The following TEK variants were observed in gnomAD, a reference collection of about 807,000 sequenced individuals.
TEK encodes the protein TEK receptor tyrosine kinase, also known as angiopoietin-1 receptor.
TEK carries 43 observed loss-of-function variants against 131.8 expected under a neutral mutation model. The observed-to-expected ratio is 0.33, with a 90% confidence interval of 0.26 to 0.42. The LOEUF (loss-of-function observed/expected upper bound fraction) is 0.42. Ranked by LOEUF, TEK falls within the 10% of genes least tolerant of loss-of-function variation. The probability of loss-of-function intolerance (pLI) is 1.00; values close to 1 mark genes in which losing one functional copy is unlikely to be tolerated. For missense variants in TEK, 1,162 were observed against 1,384.4 expected (o/e 0.84, Z 2.55); for synonymous variants, 580 against 491.6 (o/e 1.18, Z -2.38).
chr9:27,109,327 T>C lies in TEK; in HGVS notation c.-264T>C, dbSNP rs1821240035. ...GATAGGGCTTGAGTGCCCCCAGCCC[T>C]GCTGATACCAAATGCCTTTAAGATA... is the stretch of plus-strand genomic sequence containing the variant. On this transcript the variant is annotated 5_prime_UTR_variant, in exon 1 of 23. Coordinates refer to ENST00000380036, the MANE Select transcript of TEK (RefSeq NM_000459.5). 1 of 593,534 alleles carries C rather than the reference T, an allele frequency of 1.7e-6. No individual in the cohort carries two copies. The highest frequency in any genetic ancestry group is 2.2e-5 in the South Asian group (1 of 45,944). The allele number at this position is 593,534 out of a possible 1,614,324, so 36.8% of individuals were successfully genotyped here.
Position 27,220,059 on chromosome 9 carries a change from C to T in TEK, c.3114C>T (p.Pro1038=). The part of the protein sequence containing the change: ...LWEIVSLGGT[P]YCGMTCAELY... Reference sequence around the variant, plus strand: ...CTGTTTGTCTTCCAGGAGGCACACCCTACTGCGGGATGACTTGTGCAGAAC... The same window carrying T: ...CTGTTTGTCTTCCAGGAGGCACACCTTACTGCGGGATGACTTGTGCAGAAC... Residue 1038 remains proline (P), a synonymous_variant, in exon 21 of 23, where the codon CCC becomes CCT. Transcript: ENST00000380036. The T allele has an allele frequency of 1.2e-6, 2 of 1,614,056 alleles. No homozygotes were observed. Among genetic ancestry groups the T allele is most frequent in the East Asian group, 4.5e-5 (2 of 44,886 alleles).
intron 1 of TEK, among the ~76,000 whole-genome samples, chr9:27,119,091 T>C (rs1398155414): frequency 6.6e-6 from 1 of 152,202 alleles, no homozygotes; most frequent in Non-Finnish European, 1.5e-5. Context: ...TTAAGCTATT[T>C]TGAGTTAGCT....
chr9:27,206,827 G>T lies in TEK; in HGVS notation c.2575+35G>T, dbSNP rs2273722. 0.13 allele frequency: 208,222 copies of T among 1,602,464 alleles called. 14,527 individuals are homozygous for T. The highest frequency in any genetic ancestry group is 0.14 in the Non-Finnish European group (163,732 of 1,174,184). On this transcript the variant is annotated intron_variant, in intron 15 of 22. Transcript: ENST00000380036. ...TGACCAGATAGAGTCAGCATTGCGT[G>T]AGGGTGTGGAGAAAACTTGATTTCC...
At chr9:27,158,822 G>A (rs190592223) in intron 2 of TEK, among the ~76,000 whole-genome samples, 4 of 152,112 alleles carry the variant, frequency 2.6e-5, no homozygotes, top group African/African-American at 9.6e-5. Context: ...ACCACACCCA[G>A]CTAATTTTTT....
intron 6 of TEK, among the ~76,000 whole-genome samples, chr9:27,178,993 A>T (rs146231468): frequency 6.6e-6 from 1 of 152,186 alleles, no homozygotes. Context: ...GAATGTGTAA[A>T]TTTCAACAAA....
At chr9:27,227,539 G>T (rs541180697) in intron 21 of TEK, among the ~76,000 whole-genome samples, 21 of 152,298 alleles carry the variant, frequency 1.4e-4, no homozygotes, top group Admixed American at 1.2e-3. Flanking sequence ...AGCGCTAGCA[G>T]ATTTGGTGGC....
At position 27,183,722 on chromosome 9, in the gene TEK, G is replaced by A. The variant is rs1175376552; in HGVS notation, c.1182+112G>A. The stretch of plus-strand genomic sequence containing the variant: ...TGCTTTTATCCTCCTAGGCTAGTGT[G>A]TTGTTGGCTTTGATAAAATGCCCTA... On this transcript the variant is annotated intron_variant, in intron 8 of 22. Transcript: ENST00000380036. 16 of 1,432,266 alleles carry A rather than the reference G, an allele frequency of 1.1e-5. No individual in the cohort carries two copies. The Admixed American group carries it at 2.7e-4, about 24-fold the overall frequency. The allele number at this position is 1,432,266 out of a possible 1,614,324, so 88.7% of individuals were successfully genotyped here.
chr9:27,190,293 T>C (rs376776150), intron 9 of TEK, among the ~76,000 whole-genome samples: 1 of 152,102 alleles, frequency 6.6e-6, no homozygotes, highest in Admixed American at 6.6e-5. Context: ...TGAGAATCCA[T>C]TGAAGGGTCT....
rs774158124 is a variant in TEK, at chr9:27,168,514, T to C, written c.384T>C (p.Thr128=). The change falls in exon 3 of 23, where the codon ACT becomes ACC. Residue 128 remains threonine (T), a synonymous_variant. Transcript: ENST00000380036. ...MRQQASFLPA[T]LTMTVDKGDN... ...TAAAAGCTTCCTTCCTACCAGCTACTTTAACTATGACTGTGGACAAGGGAG... is the reference window on the plus strand; with the variant it reads ...TAAAAGCTTCCTTCCTACCAGCTACCTTAACTATGACTGTGGACAAGGGAG... 2 of 1,613,876 alleles carry C rather than the reference T, an allele frequency of 1.2e-6. No homozygotes were observed. Among genetic ancestry groups the C allele is most frequent in the East Asian group, 4.5e-5 (2 of 44,844 alleles).
intron 1 of TEK, among the ~76,000 whole-genome samples, chr9:27,153,317 G>A (rs512118): frequency 0.26 from 39,088 of 152,058 alleles, 5,323 homozygotes; most frequent in South Asian, 0.52. Context: ...GGGCGTGGTC[G>A]CGGGCACTTG....
chr9:27,207,362 G>T (rs1825435465), intron 15 of TEK, among the ~76,000 whole-genome samples: 1 of 152,164 alleles, frequency 6.6e-6, no homozygotes, highest in African/African-American at 2.4e-5. Flanking sequence ...TGAGTTTCTT[G>T]GGTAGCATAT....
At chr9:27,160,479 T>G (rs919266339) in intron 2 of TEK, among the ~76,000 whole-genome samples, 2 of 152,206 alleles carry the variant, frequency 1.3e-5, no homozygotes, top group Non-Finnish European at 2.9e-5. Context: ...CTTGTAAACA[T>G]GCAGACTCTG....
In TEK at chr9:27,195,806, T is replaced by G. The variant is rs191864136; in HGVS notation, c.1625-1509T>G. 1.7e-4 allele frequency: 71 copies of G among 422,086 alleles called. No individual in the cohort carries two copies. In the East Asian group the frequency reaches 4.7e-3, roughly 28 times the overall value. The allele number at this position is 422,086 out of a possible 1,614,324, so 26.1% of individuals were successfully genotyped here. On this transcript the variant is annotated intron_variant, in intron 11 of 22. Coordinates refer to ENST00000380036, the MANE Select transcript of TEK (RefSeq NM_000459.5). ...GAGTCTGGAAGATGGATATTTTAATTTTATTTTACAGGTGAACTTGGAGAG... is the reference window on the plus strand; with the variant it reads ...GAGTCTGGAAGATGGATATTTTAATGTTATTTTACAGGTGAACTTGGAGAG...
At chr9:27,180,213 C>T (rs770036661) in intron 6 of TEK, 27 bp from the exon 7 acceptor site, 1 of 1,613,204 alleles carries the variant, frequency 6.2e-7, no homozygotes, top group Admixed American at 1.7e-5. Flanking sequence ...TGGATTAATA[C>T]TGGTTTTTTG....
At chr9:27,175,984 A>G (rs749680962) in intron 6 of TEK, among the ~76,000 whole-genome samples, 10 of 152,196 alleles carry the variant, frequency 6.6e-5, no homozygotes, top group Non-Finnish European at 1.3e-4. Context: ...TTATAAGAGT[A>G]CATTTCATGA....
intron 1 of TEK, among the ~76,000 whole-genome samples, chr9:27,115,197 AT>A (rs1370508702): frequency 1.3e-5 from 2 of 152,176 alleles, no homozygotes; most frequent in African/African-American, 4.8e-5. Flanking sequence ...TGAAATAGCA[AT>A]ATCTGAATTG....
chr9:27,190,087 T>C (rs1287314337), intron 9 of TEK, among the ~76,000 whole-genome samples: 1 of 152,150 alleles, frequency 6.6e-6, no homozygotes, highest in Admixed American at 6.6e-5. Flanking sequence ...AGGTGGAGCA[T>C]TCCTTGCAGA....
chr9:27,208,236 G>T (rs1825471135), intron 15 of TEK, among the ~76,000 whole-genome samples: 1 of 152,162 alleles, frequency 6.6e-6, no homozygotes, highest in South Asian at 2.1e-4. Flanking sequence ...CAGAGCACTT[G>T]ACTTATGAGT....
At chr9:27,228,891 A>G (rs1817912232) in intron 22 of TEK, among the ~76,000 whole-genome samples, 1 of 152,194 alleles carries the variant, frequency 6.6e-6, no homozygotes, top group African/African-American at 2.4e-5. Context: ...AGCTGAACAC[A>G]TTAGGAGGTA....
Sources: allele counts gnomAD v4.1 joint callset (sites outside exome capture counted in the v4.1 genomes callset), GRCh38; gene constraint gnomAD v4.1.1; transcripts MANE v1.5; gene names NCBI Gene and HGNC (gene_info 2026-07-23, HGNC 2026-07-21).